CENPA: variants seen among roughly 807,000 people sequenced by gnomAD.
CENPA encodes histone H3-like centromeric protein A.
Under a neutral mutation model 17.2 loss-of-function variants are expected in CENPA, and 7 were observed. The observed-to-expected ratio is 0.41, with a 90% confidence interval of 0.23 to 0.76. The LOEUF (loss-of-function observed/expected upper bound fraction) is 0.76, where lower values mean the gene tolerates loss of function less well. Ranked by LOEUF, CENPA falls within the 30% of genes least tolerant of loss-of-function variation. The pLI, the probability that CENPA is intolerant of heterozygous loss-of-function variation, is 0.34. For missense variants in CENPA, 149 were observed against 193.1 expected (o/e 0.77, Z 1.35); for synonymous variants, 82 against 77.4 (o/e 1.06, Z -0.31).
chr2:26,792,600 G>C, intron 2 of CENPA, 156 bp from the exon 3 acceptor site: 1 of 748,434 alleles, frequency 1.3e-6, no homozygotes, highest in Non-Finnish European at 2.4e-6. Context: ...GCTCCCAGGA[G>C]TCAACACCTG....
At chr2:26,790,571 C>A (rs1247463724) in intron 1 of CENPA, among the ~76,000 whole-genome samples, 1 of 152,198 alleles carries the variant, frequency 6.6e-6, no homozygotes, top group Non-Finnish European at 1.5e-5. Context: ...GGTGATTGAC[C>A]CACCTTGGCC....
intron 1 of CENPA, among the ~76,000 whole-genome samples, chr2:26,789,536 C>T (rs1046299008): frequency 1.3e-5 from 2 of 152,038 alleles, no homozygotes; most frequent in South Asian, 2.1e-4. Flanking sequence ...CTCCTCTGAC[C>T]CCAGATACCT....
At chr2:26,786,430 G>C (rs1664509505) in intron 1 of CENPA, 134 bp downstream of exon 1, 2 of 1,184,804 alleles carry the variant, frequency 1.7e-6, no homozygotes, top group Non-Finnish European at 2.1e-6. Context: ...CATCCGCTCC[G>C]GGCACGGGCG....
In CENPA at chr2:26,786,160, C is replaced by G. The variant is rs1468317534; in HGVS notation, c.-37C>G. On this transcript the variant is annotated 5_prime_UTR_variant, in exon 1 of 5. Transcript: ENST00000335756. The stretch of plus-strand genomic sequence containing the variant: ...CCGGACCCGGCAGCCCGAGCAGGAG[C>G]CGTGGGACCGGGCGCCAGCACCCTC... 3.5e-5 allele frequency: 49 copies of G among 1,411,324 alleles called. No individual in the cohort carries two copies. Among genetic ancestry groups the G allele is most frequent in the Non-Finnish European group, 4.4e-5 (48 of 1,089,984 alleles). 87.4% of individuals were successfully genotyped at this position (1,411,324 alleles called of 1,614,324 possible).
intron 1 of CENPA, among the ~76,000 whole-genome samples, chr2:26,788,334 G>T (rs1041090227): frequency 6.6e-6 from 1 of 151,700 alleles, no homozygotes; most frequent in Non-Finnish European, 1.5e-5. Context: ...AACCTTTTTT[G>T]TAGAGACAAA....
At chr2:26,790,089 A>G (rs564190421) in intron 1 of CENPA, among the ~76,000 whole-genome samples, 77 of 152,262 alleles carry the variant, frequency 5.1e-4, no homozygotes, top group Middle Eastern at 3.4e-3. Flanking sequence ...TTCTTGGGTC[A>G]TGGATTTCAT....
intron 1 of CENPA, among the ~76,000 whole-genome samples, chr2:26,786,702 G>A (rs530143676): frequency 1.3e-5 from 2 of 152,394 alleles, no homozygotes; most frequent in East Asian, 1.9e-4. Flanking sequence ...TGGCGGACAC[G>A]GGATTTCCAA....
chr2:26,786,244 C>CAGCCCG lies in CENPA; in HGVS notation c.56_61dup (p.Ser19_Pro20dup). 7.2e-7 allele frequency: 1 copy of CAGCCCG among 1,395,510 alleles called. No homozygotes were observed. The highest frequency in any genetic ancestry group is 9.2e-7 in the Non-Finnish European group (1 of 1,082,014). 86.4% of individuals were successfully genotyped at this position (1,395,510 alleles called of 1,614,324 possible). Reference sequence around the variant, plus strand: ...GAAAGCCCGAGGCCCCGAGGAGGCGCAGCCCGAGCCCGACCCCGACCCCCG... The same window carrying CAGCCCG: ...GAAAGCCCGAGGCCCCGAGGAGGCGCAGCCCGAGCCCGAGCCCGACCCCGACCCCCG... On this transcript the variant is annotated inframe_insertion, in exon 1 of 5. Transcript: ENST00000335756.
rs775009264 is a variant in CENPA at position 26,793,244 on chromosome 2, C to G, written c.388C>G (p.Arg130Gly). The change falls in exon 4 of 5, where the codon CGG becomes GGG. Residue 130 changes from arginine (R) to glycine (G), a missense_variant. By Grantham distance (125) the Arg-to-Gly change is moderately radical. This residue lies in a region of CENPA where 54 missense variants were observed against 105.7 expected (regional missense o/e 0.51). Coordinates refer to ENST00000335756, the MANE Select transcript of CENPA (RefSeq NM_001809.4). ...TLFPKDVQLA[R>G]RIRGLEEGLG ...CTTCCCAAAGGATGTGCAACTGGCC[C>G]GGAGGATCCGGGGCCTTGAGGAGGG... The G allele has an allele frequency of 1.2e-6, 2 of 1,614,100 alleles. No individual in the cohort carries two copies. Among genetic ancestry groups the G allele is most frequent in the Non-Finnish European group, 1.7e-6 (2 of 1,180,012 alleles).
In CENPA at chr2:26,788,698, G is replaced by A. The variant is rs752502506; in HGVS notation, c.100+2402G>A. 7.2e-5 allele frequency among the ~76,000 whole-genome samples: 11 copies of A among 152,054 alleles called. 1 individual carries two copies. The highest frequency in any genetic ancestry group is 2.6e-4 in the Admixed American group (4 of 15,264). On this transcript the variant is annotated intron_variant, in intron 1 of 4. Transcript: ENST00000335756. ...TTGTTTTTGTTTTTGTTTTTGAGACGGAGTTTCCCTCTTGTTGCCCAGGCT... is the reference window on the plus strand; with the variant it reads ...TTGTTTTTGTTTTTGTTTTTGAGACAGAGTTTCCCTCTTGTTGCCCAGGCT...
rs1158205804 is a variant in CENPA at position 26,793,917 on chromosome 2, T to G, written c.*153T>G. 2 of 152,206 alleles carry G rather than the reference T, an allele frequency of 1.3e-5. No homozygotes were observed. The highest frequency in any genetic ancestry group is 2.9e-5 in the Non-Finnish European group (2 of 68,044). 9.4% of individuals were successfully genotyped at this position (152,206 alleles called of 1,614,324 possible). A position where few individuals can be genotyped will look rare whatever the true frequency, so the allele number is the denominator to read the frequency against. On this transcript the variant is annotated 3_prime_UTR_variant, in exon 5 of 5. Transcript: ENST00000335756. ...CAGTATGTGTGTGTTGCTTTAAATA[T>G]TTTTCTTTTTTTTGAGAAGGAGAAG...
intron 2 of CENPA, chr2:26,792,486 C>A (rs180739896): frequency 1.8e-5 from 13 of 711,678 alleles, no homozygotes; most frequent in Non-Finnish European, 2.9e-5. Flanking sequence ...GGAACTCTCT[C>A]GTTTGTCCAC....
At chr2:26,793,434 G>T in intron 4 of CENPA, 108 bp downstream of exon 4, 1 of 940,858 alleles carries the variant, frequency 1.1e-6, no homozygotes, top group Non-Finnish European at 1.5e-6. Flanking sequence ...TCTAGTAAAG[G>T]TTGATCTAGT....
In CENPA at chr2:26,792,186, A is replaced by G; in HGVS notation, c.156A>G (p.Arg52=). The G allele has an allele frequency of 6.2e-7, 1 of 1,614,020 alleles. No homozygotes were observed. The highest frequency in any genetic ancestry group is 8.5e-7 in the Non-Finnish European group (1 of 1,179,964). The part of the protein sequence containing the change: ...RRRQGWLKEI[R]KLQKSTHLLI... The stretch of plus-strand genomic sequence containing the variant: ...GACAAGGTTGGCTAAAGGAGATCCG[A>G]AAGCTTCAGAAGAGCACACACCTCT... Residue 52 remains arginine, a synonymous_variant, in exon 2 of 5, where the codon CGA becomes CGG. Coordinates refer to ENST00000335756, the MANE Select transcript of CENPA (RefSeq NM_001809.4).
intron 1 of CENPA, among the ~76,000 whole-genome samples, chr2:26,790,679 G>GGGGA (rs760700428): frequency 2.6e-4 from 39 of 152,210 alleles, no homozygotes; most frequent in Non-Finnish European, 4.6e-4. Context: ...AACTGGTGGT[G>GGGGA]GGGAGGGAGG....
intron 1 of CENPA, among the ~76,000 whole-genome samples, chr2:26,787,488 T>C (rs898489966): frequency 1.3e-5 from 2 of 151,930 alleles, no homozygotes; most frequent in African/African-American, 2.4e-5. Context: ...GTGCTGGGAT[T>C]ACAGGCGTGA....
intron 1 of CENPA, among the ~76,000 whole-genome samples, chr2:26,788,214 C>G (rs555269719): frequency 4.2e-4 from 64 of 152,272 alleles, no homozygotes; most frequent in African/African-American, 1.4e-3. Flanking sequence ...TGCAGTGGTG[C>G]TATCTTGGTT....
intron 1 of CENPA, among the ~76,000 whole-genome samples, chr2:26,787,304 C>T (rs1439677425): frequency 6.6e-6 from 1 of 152,142 alleles, no homozygotes; most frequent in African/African-American, 2.4e-5. Flanking sequence ...CAAGCTCCGC[C>T]TCCTGGGTTC....
chr2:26,786,231 C>A lies in CENPA; in HGVS notation c.35C>A (p.Ala12Asp). ...GPRRRSRKPE[A>D]PRRRSPSPTP... is the part of the protein sequence containing the mutation. ...CGCCGCCGGAGCCGAAAGCCCGAGG[C>A]CCCGAGGAGGCGCAGCCCGAGCCCG... Residue 12 changes from alanine (A) to aspartate (D), a missense_variant, in exon 1 of 5, where the codon GCC becomes GAC. Transcript: ENST00000335756. The A allele has an allele frequency of 2.1e-6, 3 of 1,431,226 alleles. No homozygotes were observed. The highest frequency in any genetic ancestry group is 2.7e-6 in the Non-Finnish European group (3 of 1,099,210). The allele number at this position is 1,431,226 out of a possible 1,614,324, so 88.7% of individuals were successfully genotyped here. A position where few individuals can be genotyped will look rare whatever the true frequency, so the allele number is the denominator to read the frequency against.
Sources: allele counts gnomAD v4.1 joint callset (sites outside exome capture counted in the v4.1 genomes callset), GRCh38; gene constraint gnomAD v4.1.1; regional missense constraint gnomAD v4.1.1; transcripts MANE v1.5; gene names NCBI Gene and HGNC (gene_info 2026-07-23, HGNC 2026-07-21).